Variants in KIAA0232 observed in about 807,000 individuals in gnomAD.
The protein encoded by KIAA0232 is uncharacterized protein KIAA0232.
In KIAA0232, 27 loss-of-function variants were observed where a neutral mutation model predicts 122.0. The ratio of observed to expected loss-of-function variants is 0.22; its 90% confidence interval spans 0.16 to 0.31. The LOEUF is 0.31. Among genes scored for constraint, KIAA0232 ranks in the 10% least tolerant of loss-of-function variants. KIAA0232 has a pLI of 1.00. For synonymous variants in KIAA0232, 613 were observed against 587.6 expected, an observed-to-expected ratio of 1.04 and a Z score of -0.63; for missense variants, 1,551 against 1,634.2, an observed-to-expected ratio of 0.95 and a Z score of 0.88.
chr4:6,868,609 G>A (rs938749015), intron 7 of KIAA0232, among the ~76,000 whole-genome samples: 1 of 152,202 alleles, frequency 6.6e-6, no homozygotes, highest in South Asian at 2.1e-4. Flanking sequence ...GCAGCACTGA[G>A]GCCGCTGCTG....
At chr4:6,851,627 C>T (rs1216761468) in intron 4 of KIAA0232, among the ~76,000 whole-genome samples, 3 of 148,776 alleles carry the variant, frequency 2.0e-5, no homozygotes, top group African/African-American at 7.4e-5. Context: ...AAGGTGGGAG[C>T]AACACGTGAG....
intron 7 of KIAA0232, among the ~76,000 whole-genome samples, chr4:6,869,376 G>A (rs1721350064): frequency 6.6e-6 from 1 of 152,182 alleles, no homozygotes; most frequent in Non-Finnish European, 1.5e-5. Context: ...GAGAGTTCTG[G>A]CTGGGGCACC....
At chr4:6,800,872 C>T (rs1017622210) in intron 1 of KIAA0232, among the ~76,000 whole-genome samples, 2 of 152,048 alleles carry the variant, frequency 1.3e-5, no homozygotes, top group African/African-American at 2.4e-5. Flanking sequence ...GGGGGTGATA[C>T]GAAGAGCCCA....
Position 6,861,633 on chromosome 4 carries a change from A to G in KIAA0232, c.1251A>G (p.Lys417=). ...IAEYFVPLSR[K]SKLETTYRNR... is the part of the protein sequence containing the mutation. ...AATATTTTGTTCCTCTGAGCAGAAA[A>G]AGTAAACTAGAGACCACATACCGAA... is the stretch of plus-strand genomic sequence containing the variant. Residue 417 remains lysine (K), a synonymous_variant, in exon 7 of 10, where the codon AAA becomes AAG. Coordinates refer to ENST00000307659, the MANE Select transcript of KIAA0232 (RefSeq NM_014743.3). 1 of 1,614,094 alleles carries G rather than the reference A, an allele frequency of 6.2e-7. No individual in the cohort carries two copies. The highest frequency in any genetic ancestry group is 8.5e-7 in the Non-Finnish European group (1 of 1,180,022).
chr4:6,818,759 G>T (rs1334852495), intron 2 of KIAA0232, among the ~76,000 whole-genome samples: 1 of 150,112 alleles, frequency 6.7e-6, no homozygotes, highest in Non-Finnish European at 1.5e-5. Flanking sequence ...AAAACAGCCA[G>T]AGTAGCCGAA....
Position 6,882,300 on chromosome 4 carries a change from A to G in KIAA0232, c.*1334A>G, listed in dbSNP as rs888206267. 2 of 152,218 alleles carry G rather than the reference A, an allele frequency of 1.3e-5. No homozygotes were observed. Among genetic ancestry groups the G allele is most frequent in the Non-Finnish European group, 2.9e-5 (2 of 68,032 alleles). 9.4% of individuals were successfully genotyped at this position (152,218 alleles called of 1,614,324 possible). A position where few individuals can be genotyped will look rare whatever the true frequency, so the allele number is the denominator to read the frequency against. Reference sequence around the variant, plus strand: ...ACCTAATCTGTGAAATCAGCGTAGCATGCCTGGAGCATCAGGAATGGCAGA... The same window carrying G: ...ACCTAATCTGTGAAATCAGCGTAGCGTGCCTGGAGCATCAGGAATGGCAGA... On this transcript the variant is annotated 3_prime_UTR_variant, in exon 10 of 10. Transcript: ENST00000307659.
intron 2 of KIAA0232, among the ~76,000 whole-genome samples, chr4:6,817,665 A>G (rs896275013): frequency 7.2e-5 from 11 of 152,214 alleles, no homozygotes; most frequent in African/African-American, 2.2e-4. Context: ...TCTGTGGCCA[A>G]AGATACAGTT....
intron 2 of KIAA0232, among the ~76,000 whole-genome samples, chr4:6,817,875 T>G (rs1718211410): frequency 6.6e-6 from 1 of 152,208 alleles, no homozygotes; most frequent in African/African-American, 2.4e-5. Flanking sequence ...TATAAAGGAC[T>G]GGTATGGCCT....
chr4:6,790,915 CTTTTTTTTTTTTT>C (rs35766310), intron 1 of KIAA0232, among the ~76,000 whole-genome samples: 1 of 92,940 alleles, frequency 1.1e-5, no homozygotes, highest in Non-Finnish European at 2.0e-5. Context: ...TTTTTATATA[CTTTTTTTTTTTTT>C]TTTTTTTTTT....
chr4:6,825,505 T>C (rs753292318), intron 3 of KIAA0232, among the ~76,000 whole-genome samples: 3 of 152,028 alleles, frequency 2.0e-5, no homozygotes, highest in African/African-American at 2.4e-5. Flanking sequence ...CAGTCAGCCA[T>C]GATTGCGCCA....
chr4:6,843,374 T>C (rs1291297249), intron 4 of KIAA0232, among the ~76,000 whole-genome samples: 1 of 152,250 alleles, frequency 6.6e-6, no homozygotes, highest in Non-Finnish European at 1.5e-5. Flanking sequence ...TTGTTATCTT[T>C]GACAATCTGC....
intron 1 of KIAA0232, among the ~76,000 whole-genome samples, chr4:6,792,139 G>A (rs544063007): frequency 6.6e-6 from 1 of 152,202 alleles, no homozygotes; most frequent in South Asian, 2.1e-4. Flanking sequence ...CCAGTCTTGG[G>A]TATGTCTTTA....
intron 2 of KIAA0232, among the ~76,000 whole-genome samples, chr4:6,807,133 C>G (rs1257015585): frequency 1.3e-5 from 2 of 151,978 alleles, no homozygotes; most frequent in African/African-American, 4.8e-5. Flanking sequence ...CGCCTGGGCT[C>G]AAGTGTTGTT....
At chr4:6,842,356 G>T in intron 4 of KIAA0232, 152 bp downstream of exon 4, 1 of 751,412 alleles carries the variant, frequency 1.3e-6, no homozygotes, top group Non-Finnish European at 2.1e-6. Context: ...TTCCTTTATG[G>T]TATTTTTCTA....
rs776927340 is a variant in KIAA0232, at chr4:6,863,098, G to T, written c.2716G>T (p.Val906Leu). The T allele has an allele frequency of 6.2e-7, 1 of 1,614,212 alleles. No individual in the cohort carries two copies. The highest frequency in any genetic ancestry group is 1.1e-5 in the South Asian group (1 of 91,084). The change falls in exon 7 of 10, where the codon GTG becomes TTG. Residue 906 changes from valine to leucine, a missense_variant. Physicochemically the swap from Val to Leu is conservative, Grantham distance 32. This residue lies in a region of KIAA0232 where 1,108 missense variants were observed against 1,154.8 expected (regional missense o/e 0.96). Coordinates refer to ENST00000307659, the MANE Select transcript of KIAA0232 (RefSeq NM_014743.3). ...ATTTGCTTCTAGTGAGCTATCAAAC[G>T]TGGATGGTGGTGATTATACAACACC... Reference protein sequence around the residue: ...RAFASSELSNVDGGDYTTPSK... With the variant: ...RAFASSELSNLDGGDYTTPSK...
chr4:6,802,538 A>ACC (rs150951826), intron 1 of KIAA0232, among the ~76,000 whole-genome samples: 2 of 149,750 alleles, frequency 1.3e-5, no homozygotes, highest in Admixed American at 1.3e-4. Flanking sequence ...ACTCTTCTCA[A>ACC]CCCCCCCCAA....
At chr4:6,860,558 A>G (rs982632282) in intron 6 of KIAA0232, among the ~76,000 whole-genome samples, 2 of 152,238 alleles carry the variant, frequency 1.3e-5, no homozygotes, top group Non-Finnish European at 2.9e-5. Flanking sequence ...TCAAATTCAG[A>G]TAATGCTTAC....
intron 2 of KIAA0232, among the ~76,000 whole-genome samples, chr4:6,814,000 A>G (rs2108987141): frequency 6.6e-6 from 1 of 152,240 alleles, no homozygotes; most frequent in South Asian, 2.1e-4. Context: ...TCCAGCCTTT[A>G]GGGGATAATT....
In KIAA0232 at chr4:6,881,644, G is replaced by C. The variant is rs538568502; in HGVS notation, c.*678G>C. On this transcript the variant is annotated 3_prime_UTR_variant, in exon 10 of 10. Transcript: ENST00000307659. Reference sequence around the variant, plus strand: ...TAACTGAAGAAGCCAAGGATTTGGGGTGTGGGGTCGTATGCGAGACACAGT... The same window carrying C: ...TAACTGAAGAAGCCAAGGATTTGGGCTGTGGGGTCGTATGCGAGACACAGT... 2 of 152,640 alleles carry C rather than the reference G, an allele frequency of 1.3e-5. No homozygotes were observed. The highest frequency in any genetic ancestry group is 2.9e-5 in the Non-Finnish European group (2 of 68,060). The allele number at this position is 152,640 out of a possible 1,614,324, so 9.5% of individuals were successfully genotyped here.
Sources: allele counts gnomAD v4.1 joint callset (sites outside exome capture counted in the v4.1 genomes callset), GRCh38; gene constraint gnomAD v4.1.1; regional missense constraint gnomAD v4.1.1; transcripts MANE v1.5; gene names NCBI Gene and HGNC (gene_info 2026-07-23, HGNC 2026-07-21).